TBCD: variants seen among roughly 807,000 people sequenced by gnomAD.
TBCD encodes the protein tubulin folding cofactor D.
In TBCD, 105 loss-of-function variants were observed where a neutral mutation model predicts 169.3. That is an observed-to-expected ratio of 0.62 (90% confidence interval 0.53 to 0.73). TBCD has a LOEUF of 0.73. Among genes scored for constraint, TBCD ranks in the 30% least tolerant of loss-of-function variants. TBCD has a pLI of 0.00. For synonymous variants in TBCD, 700 were observed against 643.9 expected (o/e 1.09, Z -1.32); for missense variants, 1,444 against 1,600.1 (o/e 0.90, Z 1.66).
chr17:82,866,955 A>G (rs2057215547), intron 13 of TBCD, among the ~76,000 whole-genome samples: 1 of 152,242 alleles, frequency 6.6e-6, no homozygotes, highest in African/African-American at 2.4e-5. Flanking sequence ...AGTGCTGATC[A>G]GACTGAAGGA....
intron 2 of TBCD, among the ~76,000 whole-genome samples, chr17:82,758,826 A>ATTT (rs2047596351): frequency 1.3e-5 from 2 of 151,200 alleles, no homozygotes; most frequent in African/African-American, 4.9e-5. Context: ...CGCCTGGCTA[A>ATTT]TTTTTTGCAT....
chr17:82,871,567 G>A (rs746247005), intron 14 of TBCD, among the ~76,000 whole-genome samples: 4 of 152,230 alleles, frequency 2.6e-5, no homozygotes, highest in African/African-American at 9.6e-5. Flanking sequence ...GGAGCCGAGC[G>A]TCCCCTGCTC....
rs1228183846 is a variant in TBCD, at chr17:82,831,446, G to T, written c.1318+16512G>T. On this transcript the variant is annotated intron_variant, in intron 13 of 38. Coordinates refer to ENST00000355528, the MANE Select transcript of TBCD (RefSeq NM_005993.5). This position sits in a 1 kb window ranked among gnomAD's most constrained non-coding sequence, Gnocchi z 4.6. Reference sequence around the variant, plus strand: ...TGATCTCGGGTGAGGCCAGTGACAGGTGGGAGTCTGAGACCATAGGAGGAA... The same window carrying T: ...TGATCTCGGGTGAGGCCAGTGACAGTTGGGAGTCTGAGACCATAGGAGGAA... The T allele has an allele frequency of 1.4e-5, 22 of 1,614,088 alleles. No individual in the cohort carries two copies. Among genetic ancestry groups the T allele is most frequent in the Non-Finnish European group, 1.8e-5 (21 of 1,180,044 alleles).
chr17:82,859,978 G>C (rs1487051223), intron 13 of TBCD: 1 of 761,388 alleles, frequency 1.3e-6, no homozygotes, highest in Non-Finnish European at 1.6e-6. Context: ...TGGGCTTCAT[G>C]TGTCCTTGGG....
chr17:82,824,660 A>G (rs976859562), intron 13 of TBCD, among the ~76,000 whole-genome samples: 1 of 152,000 alleles, frequency 6.6e-6, no homozygotes, highest in Non-Finnish European at 1.5e-5. Flanking sequence ...CCCTGGCCAT[A>G]TTTTCTTGAT....
chr17:82,898,474 A>C (rs942909611), intron 17 of TBCD, among the ~76,000 whole-genome samples: 1 of 151,700 alleles, frequency 6.6e-6, no homozygotes, highest in African/African-American at 2.4e-5. Context: ...TTCTTTTCCT[A>C]TGTGCAGGAG....
Position 82,923,507 on chromosome 17 carries a change from T to G in TBCD, c.2179-145T>G. On this transcript the variant is annotated intron_variant, in intron 25 of 38. Coordinates refer to ENST00000355528, the MANE Select transcript of TBCD (RefSeq NM_005993.5). The surrounding 1 kb of genome is among the most constrained non-coding windows in gnomAD (Gnocchi z 4.6). ...TCAGGGCGACCCGCTGGGTCCCTGG[T>G]CAGGCAGGGGCTGCTCTGACCTCAG... 1 of 660,188 alleles carries G rather than the reference T, an allele frequency of 1.5e-6. No individual in the cohort carries two copies. Among genetic ancestry groups the G allele is most frequent in the South Asian group, 1.8e-5 (1 of 54,096 alleles). 40.9% of individuals were successfully genotyped at this position (660,188 alleles called of 1,614,324 possible).
intron 2 of TBCD, among the ~76,000 whole-genome samples, chr17:82,758,400 A>AAAAAAAAAAAAAAAAAAAAAAAAAAAAAT (rs1035939621): frequency 3.0e-5 from 3 of 100,058 alleles, no homozygotes; most frequent in South Asian, 3.8e-4. Flanking sequence ...AAAAAAAAAA[A>AAAAAAAAAAAAAAAAAAAAAAAAAAAAAT]AAATAAATAA....
At chr17:82,812,952 AG>A (rs1363478923) in intron 12 of TBCD, among the ~76,000 whole-genome samples, 1 of 152,046 alleles carries the variant, frequency 6.6e-6, no homozygotes, top group East Asian at 1.9e-4. Context: ...CCGAGTAGCT[AG>A]GACTATAGGT....
rs930313038 is a variant in TBCD at position 82,922,310 on chromosome 17, G to A, written c.2178+733G>A. Among the ~76,000 whole-genome samples, 14 of 152,080 alleles carry A rather than the reference G, an allele frequency of 9.2e-5. No homozygotes were observed. Among genetic ancestry groups the A allele is most frequent in the Admixed American group, 5.9e-4 (9 of 15,270 alleles). ...TGGGAGGCGAAGGTTGCAGTGAACCGAGATCACGCCATTGCACTCCAGCCT... is the reference window on the plus strand; with the variant it reads ...TGGGAGGCGAAGGTTGCAGTGAACCAAGATCACGCCATTGCACTCCAGCCT... On this transcript the variant is annotated intron_variant, in intron 25 of 38. Transcript: ENST00000355528. This position sits in a 1 kb window ranked among gnomAD's most constrained non-coding sequence, Gnocchi z 4.1.
intron 37 of TBCD, 60 bp downstream of exon 37, chr17:82,939,536 C>T: frequency 1.5e-6 from 2 of 1,346,774 alleles, no homozygotes; most frequent in South Asian, 1.2e-5. Context: ...CTTCCTGTCC[C>T]CACCGTGTCT....
chr17:82,899,858 C>G (rs2059769797), intron 17 of TBCD, among the ~76,000 whole-genome samples: 1 of 152,184 alleles, frequency 6.6e-6, no homozygotes, highest in Non-Finnish European at 1.5e-5. Context: ...GCATTCCTGG[C>G]TGAATACTGA....
At chr17:82,858,492 C>A in intron 13 of TBCD, 1 of 838,310 alleles carries the variant, frequency 1.2e-6, no homozygotes. Flanking sequence ...TCTGGCTGGG[C>A]AGTTCTACAG....
At chr17:82,854,375 C>A (rs187498457) in intron 13 of TBCD, among the ~76,000 whole-genome samples, 18 of 152,342 alleles carry the variant, frequency 1.2e-4, no homozygotes, top group Admixed American at 1.1e-3. Context: ...CATGCAAGCA[C>A]GTCCACAAAG....
At chr17:82,822,454 C>T (rs1397089784) in intron 13 of TBCD, among the ~76,000 whole-genome samples, 1 of 152,214 alleles carries the variant, frequency 6.6e-6, no homozygotes, top group Non-Finnish European at 1.5e-5. Context: ...GCAGGATGGA[C>T]TCCTGACCGC....
At position 82,831,276 on chromosome 17, in the gene TBCD, T is replaced by C. The variant is rs1375704251; in HGVS notation, c.1318+16342T>C. ...GGCTCATTTTGGACCCTTCCGTGTCTCTCTGCCCAGCCTTGGAGGAGTCTT... is the reference window on the plus strand; with the variant it reads ...GGCTCATTTTGGACCCTTCCGTGTCCCTCTGCCCAGCCTTGGAGGAGTCTT... On this transcript the variant is annotated intron_variant, in intron 13 of 38. Coordinates refer to ENST00000355528, the MANE Select transcript of TBCD (RefSeq NM_005993.5). This position sits in a 1 kb window ranked among gnomAD's most constrained non-coding sequence, Gnocchi z 4.6. The C allele has an allele frequency of 1.2e-6, 2 of 1,613,786 alleles. No individual in the cohort carries two copies. The highest frequency in any genetic ancestry group is 1.7e-6 in the Non-Finnish European group (2 of 1,180,046).
chr17:82,760,815 C>T (rs931326435), intron 2 of TBCD, among the ~76,000 whole-genome samples: 3 of 152,222 alleles, frequency 2.0e-5, no homozygotes, highest in African/African-American at 4.8e-5. Context: ...GCAGTAACCA[C>T]TCATCTGGCT....
In TBCD at chr17:82,905,917, T is replaced by C. The variant is rs200886468; in HGVS notation, c.1805-19T>C. ...CATGTACACACCCTCACCTGCCCTC[T>C]CGGCCCTGTCTCTTGCAGTCTTCCC... is the stretch of plus-strand genomic sequence containing the variant. On this transcript the variant is annotated intron_variant, in intron 19 of 38. Transcript: ENST00000355528. 584 of 1,591,142 alleles carry C rather than the reference T, an allele frequency of 3.7e-4. No individual in the cohort carries two copies. Among genetic ancestry groups the C allele is most frequent in the Non-Finnish European group, 4.2e-4 (487 of 1,165,756 alleles).
rs750779567 is a variant in TBCD at position 82,831,223 on chromosome 17, G to T, written c.1318+16289G>T. On this transcript the variant is annotated intron_variant, in intron 13 of 38. Transcript: ENST00000355528. This position sits in a 1 kb window ranked among gnomAD's most constrained non-coding sequence, Gnocchi z 4.6. Reference sequence around the variant, plus strand: ...GTCGGTGGGGCTCGGCCTCCCTGGGGAGCCCGTGGCTGCACTCCCTGCGCG... The same window carrying T: ...GTCGGTGGGGCTCGGCCTCCCTGGGTAGCCCGTGGCTGCACTCCCTGCGCG... The T allele has an allele frequency of 1.2e-6, 2 of 1,613,934 alleles. No individual in the cohort carries two copies. The highest frequency in any genetic ancestry group is 8.5e-7 in the Non-Finnish European group (1 of 1,180,058).
Sources: gnomAD v4.1 joint callset for allele counts (sites outside exome capture counted in the v4.1 genomes callset) on GRCh38, gnomAD v4.1.1 for gene constraint, Gnocchi (gnomAD v3.1) non-coding constraint, MANE v1.5 for transcripts, NCBI Gene and HGNC (gene_info 2026-07-23, HGNC 2026-07-21) for gene names.